PRKRIP1: variants seen among roughly 807,000 people sequenced by gnomAD.
The protein encoded by PRKRIP1 is PRKR interacting protein 1, also known as PRKR-interacting protein 1.
Under a neutral mutation model 29.3 loss-of-function variants are expected in PRKRIP1, and 29 were observed. The ratio of observed to expected loss-of-function variants is 0.99; its 90% CI spans 0.74 to 1.35. PRKRIP1 has a LOEUF of 1.35. Among genes scored for constraint, PRKRIP1 ranks in the 40% most tolerant of loss-of-function variants. The pLI is 0.00. For missense variants in PRKRIP1, 247 were observed against 236.8 expected (o/e 1.04, Z -0.28); for synonymous variants, 90 against 85.1 (o/e 1.06, Z -0.32).
At chr7:102,407,551 A>T (rs1796266516) in intron 5 of PRKRIP1, 53 bp downstream of exon 5, 2 of 1,357,936 alleles carry the variant, frequency 1.5e-6, no homozygotes, top group East Asian at 4.6e-5. Context: ...TGTTGGTCAC[A>T]GTGGCTGAAC....
chr7:102,397,598 C>T, intron 1 of PRKRIP1, 22 bp from the exon 2 acceptor site: 4 of 1,599,394 alleles, frequency 2.5e-6, no homozygotes, highest in Non-Finnish European at 3.4e-6. Flanking sequence ...TACTTAAATG[C>T]TTTCATGTTT....
At chr7:102,424,992 T>G (rs1368632747) in intron 5 of PRKRIP1, 22 bp from the exon 6 acceptor site, 2 of 1,604,286 alleles carry the variant, frequency 1.2e-6, no homozygotes, top group Non-Finnish European at 1.7e-6. Flanking sequence ...ATGTCTGTAA[T>G]TTGAATGTCG....
chr7:102,413,846 G>A (rs1434541075), intron 5 of PRKRIP1, among the ~76,000 whole-genome samples: 1 of 152,148 alleles, frequency 6.6e-6, no homozygotes, highest in East Asian at 1.9e-4. Flanking sequence ...GTTGCAGTCA[G>A]TGGCATTTTA....
chr7:102,410,914 TTTG>T (rs1554572471), intron 5 of PRKRIP1, among the ~76,000 whole-genome samples: 10 of 152,156 alleles, frequency 6.6e-5, no homozygotes, highest in Non-Finnish European at 1.5e-5. Flanking sequence ...TACCATTTAA[TTTG>T]TTTTTTGTTT....
At chr7:102,406,698 C>G (rs748983351) in intron 4 of PRKRIP1, among the ~76,000 whole-genome samples, 29 of 152,154 alleles carry the variant, frequency 1.9e-4, no homozygotes, top group South Asian at 4.1e-4. Context: ...CTTGCCCCAC[C>G]ACTGCACTGT....
At chr7:102,400,986 A>G (rs117664751) in intron 3 of PRKRIP1, among the ~76,000 whole-genome samples, 2,421 of 152,294 alleles carry the variant, frequency 0.016, 39 homozygotes, top group Non-Finnish European at 0.023. Flanking sequence ...ATGAAACCCT[A>G]TTTAATAACG....
chr7:102,408,981 C>T (rs1317119255), intron 5 of PRKRIP1, among the ~76,000 whole-genome samples: 6 of 152,190 alleles, frequency 3.9e-5, no homozygotes, highest in Admixed American at 3.9e-4. Context: ...CGAGACCAGC[C>T]TGGCCAACGT....
intron 3 of PRKRIP1, among the ~76,000 whole-genome samples, chr7:102,403,570 C>G (rs1205363714): frequency 6.6e-6 from 1 of 152,198 alleles, no homozygotes; most frequent in Non-Finnish European, 1.5e-5. Context: ...AATTTCCGGT[C>G]TCTGCAACCT....
At chr7:102,421,877 T>A (rs1554573779) in intron 5 of PRKRIP1, among the ~76,000 whole-genome samples, 1 of 152,142 alleles carries the variant, frequency 6.6e-6, no homozygotes, top group Admixed American at 6.6e-5. Context: ...TTGTTACCAT[T>A]TAGCAGCCGA....
At chr7:102,410,595 G>A (rs1796356017) in intron 5 of PRKRIP1, among the ~76,000 whole-genome samples, 1 of 152,116 alleles carries the variant, frequency 6.6e-6, no homozygotes, top group Non-Finnish European at 1.5e-5. Flanking sequence ...CCTCAGATCT[G>A]GGGAGAGGGA....
intron 5 of PRKRIP1, among the ~76,000 whole-genome samples, chr7:102,412,685 C>T (rs534434772): frequency 2.1e-4 from 32 of 152,262 alleles, no homozygotes; most frequent in African/African-American, 5.5e-4. Flanking sequence ...TACCGAGTTG[C>T]GCCCCAAGGT....
chr7:102,399,015 G>C (rs537357823), intron 2 of PRKRIP1, among the ~76,000 whole-genome samples: 2 of 152,252 alleles, frequency 1.3e-5, no homozygotes, highest in Admixed American at 6.5e-5. Context: ...CCAGCTACTT[G>C]GGAAGCTGAG....
chr7:102,400,001 CAAAAA>C (rs782496537), intron 3 of PRKRIP1, among the ~76,000 whole-genome samples: 1 of 72,288 alleles, frequency 1.4e-5, no homozygotes. Context: ...AACTCCATCT[CAAAAA>C]AAAAAAAAAA....
intron 2 of PRKRIP1, among the ~76,000 whole-genome samples, chr7:102,397,904 G>A (rs1175661254): frequency 2.0e-5 from 3 of 151,966 alleles, no homozygotes; most frequent in African/African-American, 4.8e-5. Context: ...AAAATTAGCC[G>A]GGCGTGGTGG....
At chr7:102,397,501 G>T in intron 1 of PRKRIP1, 119 bp from the exon 2 acceptor site, 1 of 751,226 alleles carries the variant, frequency 1.3e-6, no homozygotes, top group Non-Finnish European at 2.3e-6. Flanking sequence ...AGCTCTGATT[G>T]CACCACTGCA....
At chr7:102,415,132 A>T (rs1796498862) in intron 5 of PRKRIP1, among the ~76,000 whole-genome samples, 1 of 152,130 alleles carries the variant, frequency 6.6e-6, no homozygotes, top group South Asian at 2.1e-4. Flanking sequence ...CTTACTGGGG[A>T]TTGAGTAAAA....
intron 3 of PRKRIP1, among the ~76,000 whole-genome samples, chr7:102,400,611 G>A (rs1796040873): frequency 6.6e-6 from 1 of 152,040 alleles, no homozygotes; most frequent in Non-Finnish European, 1.5e-5. Context: ...CTCGAGATCT[G>A]GGCATTTGGT....
At chr7:102,414,329 T>C (rs1474549444) in intron 5 of PRKRIP1, among the ~76,000 whole-genome samples, 1 of 152,182 alleles carries the variant, frequency 6.6e-6, no homozygotes, top group Non-Finnish European at 1.5e-5. Flanking sequence ...TTTCTCTTAG[T>C]CTCCATGTGC....
intron 1 of PRKRIP1, among the ~76,000 whole-genome samples, chr7:102,396,944 C>T (rs1795919270): frequency 6.6e-6 from 1 of 152,148 alleles, no homozygotes; most frequent in Admixed American, 6.6e-5. Flanking sequence ...CACACCCCCT[C>T]TGGGCCTCGG....
Sources: allele counts gnomAD v4.1 joint callset (sites outside exome capture counted in the v4.1 genomes callset), GRCh38; gene constraint gnomAD v4.1.1; transcripts MANE v1.5; gene names NCBI Gene and HGNC (gene_info 2026-07-23, HGNC 2026-07-21).